Variants in LIN54 observed in about 807,000 individuals in gnomAD.
LIN54 encodes protein lin-54 homolog.
A neutral mutation model predicts 78.7 loss-of-function variants in LIN54; 9 were observed. That is an observed-to-expected ratio of 0.11 (90% CI 0.07 to 0.20). The LOEUF is 0.20. Ranked by LOEUF, LIN54 falls within the 10% of genes least tolerant of loss-of-function variation. LIN54 has a pLI of 1.00. For missense variants in LIN54, 573 were observed against 889.9 expected (o/e 0.64, Z 4.53); for synonymous variants, 269 against 318.4 (o/e 0.84, Z 1.65).
At chr4:82,985,129 T>A (rs2125172) in intron 1 of LIN54, among the ~76,000 whole-genome samples, 53,980 of 151,996 alleles carry the variant, frequency 0.36, 11,422 homozygotes, top group African/African-American at 0.59. Flanking sequence ...ACAAGTATCT[T>A]GCACTCAGGC....
At chr4:82,945,883 AT>A (rs1479756272) in intron 5 of LIN54, among the ~76,000 whole-genome samples, 1 of 152,202 alleles carries the variant, frequency 6.6e-6, no homozygotes, top group Admixed American at 6.5e-5. Context: ...CACCTTGCCT[AT>A]TTGTCATTTC....
At chr4:82,929,392 A>G (rs1299055044) in intron 12 of LIN54, among the ~76,000 whole-genome samples, 1 of 152,178 alleles carries the variant, frequency 6.6e-6, no homozygotes, top group Admixed American at 6.5e-5. Context: ...ATTAGATTCA[A>G]TACTCTAAAG....
At chr4:82,936,951 T>C (rs1722441774) in intron 9 of LIN54, among the ~76,000 whole-genome samples, 1 of 152,154 alleles carries the variant, frequency 6.6e-6, no homozygotes, top group African/African-American at 2.4e-5. Flanking sequence ...GATCAAACAT[T>C]ATTATTAAGG....
chr4:82,933,062 A>C (rs946677322), intron 11 of LIN54, among the ~76,000 whole-genome samples: 21 of 152,020 alleles, frequency 1.4e-4, no homozygotes, highest in Non-Finnish European at 2.8e-4. Flanking sequence ...CTTATAAGAC[A>C]CCAATAAATT....
rs569169546 is a variant in LIN54 at position 83,004,700 on chromosome 4, C to T, written c.-33+5784G>A. On this transcript the variant is annotated intron_variant, in intron 1 of 12. Coordinates refer to ENST00000340417, the MANE Select transcript of LIN54 (RefSeq NM_194282.4). ...TTGTTGTAGAGACAAGGTCTTGCTA[C>T]GTTGCCCAGGCTGGTCTTGCACTCG... Among the ~76,000 whole-genome samples, 8 of 152,072 alleles carry T rather than the reference C, an allele frequency of 5.3e-5. No homozygotes were observed. The South Asian group carries it at 1.2e-3, about 24-fold the overall frequency.
At chr4:82,977,853 C>A (rs1346779366) in intron 3 of LIN54, among the ~76,000 whole-genome samples, 1 of 152,110 alleles carries the variant, frequency 6.6e-6, no homozygotes, top group Non-Finnish European at 1.5e-5. Context: ...TTTAGTATGG[C>A]TCTGGATTAA....
At position 82,944,099 on chromosome 4, in the gene LIN54, A is replaced by G. The variant is rs924704914; in HGVS notation, c.1168+2159T>C. On this transcript the variant is annotated intron_variant, in intron 5 of 12. Transcript: ENST00000340417. ...TTGGCAGGGCTGGTCTCAAACTCCCAACCTCAAGTGATCCGCCCACCTCAG... is the reference window on the plus strand; with the variant it reads ...TTGGCAGGGCTGGTCTCAAACTCCCGACCTCAAGTGATCCGCCCACCTCAG... Among the ~76,000 whole-genome samples the G allele has an allele frequency of 2.6e-5, 4 of 151,530 alleles. No individual in the cohort carries two copies. In the East Asian group the frequency reaches 7.8e-4, roughly 30 times the overall value.
chr4:83,007,082 G>A (rs1207545096), intron 1 of LIN54, among the ~76,000 whole-genome samples: 2 of 152,162 alleles, frequency 1.3e-5, no homozygotes, highest in African/African-American at 4.8e-5. Context: ...GGAGGCTGCA[G>A]TGAGCGGAGA....
chr4:83,001,847 CAA>C lies in LIN54; in HGVS notation c.-33+8635_-33+8636del, dbSNP rs150165095. On this transcript the variant is annotated intron_variant, in intron 1 of 12. Transcript: ENST00000340417. Reference sequence around the variant, plus strand: ...TGGGCGACAGAGCAAGACTCTGTCTCAAAAAAAAAAAAAGGATAGGAAGGAAG... The same window carrying C: ...TGGGCGACAGAGCAAGACTCTGTCTCAAAAAAAAAAAGGATAGGAAGGAAG... 5.6e-5 allele frequency among the ~76,000 whole-genome samples: 2 copies of C among 35,512 alleles called. 1 individual carries two copies. The highest frequency in any genetic ancestry group is 8.9e-5 in the Non-Finnish European group (2 of 22,510). The allele number at this position is 35,512 out of a possible 152,430, so 23.3% of individuals were successfully genotyped here.
chr4:83,000,827 C>CTTTTTTTCTTTTTTTTTT (rs528409899), intron 1 of LIN54, among the ~76,000 whole-genome samples: 19 of 120,532 alleles, frequency 1.6e-4, no homozygotes, highest in African/African-American at 4.2e-4. Flanking sequence ...GCAATAAATT[C>CTTTTTTTCTTTTTTTTTT]TTTTTTTTTT....
chr4:82,992,487 C>A (rs1727813689), intron 1 of LIN54, among the ~76,000 whole-genome samples: 1 of 151,950 alleles, frequency 6.6e-6, no homozygotes, highest in South Asian at 2.1e-4. Flanking sequence ...CCAGTCGGGA[C>A]AACATATCAA....
chr4:82,968,007 A>AC (rs1725347166), intron 4 of LIN54, among the ~76,000 whole-genome samples: 1 of 151,874 alleles, frequency 6.6e-6, no homozygotes, highest in Non-Finnish European at 1.5e-5. Flanking sequence ...ACACCTGTGA[A>AC]TTTTAATAAC....
chr4:82,971,186 G>A (rs555496254), intron 3 of LIN54, among the ~76,000 whole-genome samples: 1 of 152,304 alleles, frequency 6.6e-6, no homozygotes, highest in African/African-American at 2.4e-5. Flanking sequence ...TGAAGACTGT[G>A]TGATAGCCAT....
chr4:82,979,964 A>AAAAAAAAAAAAAAAC (rs1726496426), intron 2 of LIN54, among the ~76,000 whole-genome samples: 8 of 139,576 alleles, frequency 5.7e-5, no homozygotes, highest in Non-Finnish European at 1.1e-4. Flanking sequence ...AAAAAAAAAA[A>AAAAAAAAAAAAAAAC]AATACTGGGT....
intron 3 of LIN54, among the ~76,000 whole-genome samples, chr4:82,972,019 G>A (rs1725695700): frequency 6.6e-6 from 1 of 152,030 alleles, no homozygotes; most frequent in East Asian, 1.9e-4. Context: ...CAGCTTCTGG[G>A]CCATTTTTCC....
chr4:82,958,745 C>T (rs538623048), intron 4 of LIN54, among the ~76,000 whole-genome samples: 4 of 152,106 alleles, frequency 2.6e-5, no homozygotes, highest in South Asian at 2.1e-4. Flanking sequence ...CTCCACTGCC[C>T]GTGCTGGAAG....
At chr4:82,984,021 C>A in intron 2 of LIN54, 140 bp downstream of exon 2, 1 of 637,684 alleles carries the variant, frequency 1.6e-6, no homozygotes, top group Non-Finnish European at 2.6e-6. Context: ...CTTAAAAACA[C>A]ACACACACAA....
Position 82,936,026 on chromosome 4 carries a change from A to G in LIN54, c.1800T>C (p.Asn600=), listed in dbSNP as rs374243619. The G allele has an allele frequency of 6.2e-6, 10 of 1,614,026 alleles. No homozygotes were observed. In the East Asian group the frequency reaches 1.8e-4, roughly 29 times the overall value. Residue 600 remains asparagine, a synonymous_variant, in exon 11 of 13, where the codon AAT becomes AAC. Coordinates refer to ENST00000340417, the MANE Select transcript of LIN54 (RefSeq NM_194282.4). ...ESDRRHSKGC[N]CKRSGCLKNY... ...TTTTAAGACATCCTGATCGTTTGCAATTACACCCTTTGCTATGACGTCGAT... is the reference window on the plus strand; with the variant it reads ...TTTTAAGACATCCTGATCGTTTGCAGTTACACCCTTTGCTATGACGTCGAT...
chr4:83,010,168 G>T (rs1578683640), intron 1 of LIN54, among the ~76,000 whole-genome samples: 1 of 152,076 alleles, frequency 6.6e-6, no homozygotes, highest in Admixed American at 6.5e-5. Context: ...CTAAAGAAAC[G>T]TACAACCCCA....
Sources: gnomAD v4.1 joint callset for allele counts (sites outside exome capture counted in the v4.1 genomes callset) on GRCh38, gnomAD v4.1.1 for gene constraint, MANE v1.5 for transcripts, NCBI Gene and HGNC (gene_info 2026-07-23, HGNC 2026-07-21) for gene names.